Variants in SLC25A20 observed in about 807,000 individuals in gnomAD.
The protein encoded by SLC25A20 is mitochondrial carnitine/acylcarnitine carrier protein.
In SLC25A20, 29 loss-of-function variants were observed where a neutral mutation model predicts 39.7. That is an observed-to-expected ratio of 0.73 (90% confidence interval 0.54 to 1.00). The LOEUF is 1.00. Ranked by LOEUF, SLC25A20 falls within the 50% of genes least tolerant of loss-of-function variation. The pLI is 0.00. For synonymous variants in SLC25A20, 103 were observed against 142.2 expected (o/e 0.72, Z 1.96); for missense variants, 333 against 379.9 (o/e 0.88, Z 1.03).
At chr3:48,874,878 C>T (rs972305103) in intron 4 of SLC25A20, among the ~76,000 whole-genome samples, 1 of 151,116 alleles carries the variant, frequency 6.6e-6, no homozygotes. Flanking sequence ...GAGACCCCCC[C>T]ACCACCACCA....
intron 1 of SLC25A20, among the ~76,000 whole-genome samples, chr3:48,894,321 A>T (rs903341533): frequency 4.2e-5 from 6 of 144,568 alleles, no homozygotes; most frequent in African/African-American, 1.5e-4. Flanking sequence ...GCTGGAGTGC[A>T]GTGGCTCAAT....
chr3:48,893,940 A>C (rs1415516787), intron 1 of SLC25A20, among the ~76,000 whole-genome samples: 4 of 151,456 alleles, frequency 2.6e-5, no homozygotes, highest in Admixed American at 2.6e-4. Context: ...GTGGGTCAAT[A>C]ACCTGAGGTC....
At chr3:48,860,038 C>G (rs1231898904) in intron 5 of SLC25A20, among the ~76,000 whole-genome samples, 2 of 152,210 alleles carry the variant, frequency 1.3e-5, no homozygotes, top group Non-Finnish European at 2.9e-5. Flanking sequence ...CATAGTGGCT[C>G]ATGCCTTTAA....
At chr3:48,867,217 T>C (rs2083677684) in intron 4 of SLC25A20, among the ~76,000 whole-genome samples, 1 of 151,762 alleles carries the variant, frequency 6.6e-6, no homozygotes, top group African/African-American at 2.4e-5. Flanking sequence ...GCTGAGATTA[T>C]AGGTGTGAGC....
intron 7 of SLC25A20, 77 bp downstream of exon 7, chr3:48,859,015 T>TA (rs373555651): frequency 8.6e-7 from 1 of 1,160,256 alleles, no homozygotes. Context: ...CCTAGGGCCT[T>TA]ATGAGCTTTG....
At chr3:48,878,998 G>C (rs1486085700) in intron 4 of SLC25A20, among the ~76,000 whole-genome samples, 4 of 152,004 alleles carry the variant, frequency 2.6e-5, no homozygotes, top group Non-Finnish European at 4.4e-5. Flanking sequence ...AGCCTCCCAA[G>C]TAGCTGGGAT....
At chr3:48,880,405 T>G (rs2083788671) in intron 3 of SLC25A20, among the ~76,000 whole-genome samples, 1 of 150,096 alleles carries the variant, frequency 6.7e-6, no homozygotes, top group African/African-American at 2.5e-5. Context: ...AGCTCCCGAG[T>G]AGCTGGGATT....
rs369490925 is a variant in SLC25A20 at position 48,884,780 on chromosome 3, C to T, written c.199-656G>A. On this transcript the variant is annotated intron_variant, in intron 2 of 8. Transcript: ENST00000319017. ...ATAACCTCAGGCACTTATAAGGTAC[C>T]AAAATTTTGGGGAAAAAAACAAAAG... Among the ~76,000 whole-genome samples, 18 of 150,358 alleles carry T rather than the reference C, an allele frequency of 1.2e-4. No individual in the cohort carries two copies. The East Asian group carries it at 2.6e-3, about 21-fold the overall frequency.
chr3:48,887,204 A>G (rs1021068872), intron 2 of SLC25A20, among the ~76,000 whole-genome samples: 7 of 152,194 alleles, frequency 4.6e-5, no homozygotes, highest in African/African-American at 1.4e-4. Context: ...TGAGAGGTCA[A>G]GCCCATTCCT....
At chr3:48,871,222 G>A (rs926885837) in intron 4 of SLC25A20, among the ~76,000 whole-genome samples, 2 of 151,822 alleles carry the variant, frequency 1.3e-5, no homozygotes, top group South Asian at 2.1e-4. Context: ...GAATTGATCT[G>A]TACGTTTAAC....
intron 1 of SLC25A20, chr3:48,895,890 A>G: frequency 2.3e-6 from 1 of 430,704 alleles, no homozygotes; most frequent in Non-Finnish European, 4.7e-6. Context: ...CTATAATCCC[A>G]GCACTTCAGG....
intron 2 of SLC25A20, among the ~76,000 whole-genome samples, chr3:48,890,858 G>C (rs1462414584): frequency 6.6e-6 from 1 of 151,286 alleles, no homozygotes; most frequent in East Asian, 2.0e-4. Flanking sequence ...GTTTCACCGT[G>C]TTAGCCAGGA....
At chr3:48,864,347 C>CAAAAAAAAAAAAAAAAAAAA (rs55843120) in intron 4 of SLC25A20, among the ~76,000 whole-genome samples, 1 of 48,060 alleles carries the variant, frequency 2.1e-5, no homozygotes, top group African/African-American at 8.8e-5. Context: ...GACTCTGTCT[C>CAAAAAAAAAAAAAAAAAAAA]AAAAAAAAAA....
Position 48,862,580 on chromosome 3 carries a change from C to T in SLC25A20, c.497G>A (p.Arg166Gln), listed in dbSNP as rs891364777. 36 of 1,613,994 alleles carry T rather than the reference C, an allele frequency of 2.2e-5. No individual in the cohort carries two copies. The highest frequency in any genetic ancestry group is 3.0e-5 in the Non-Finnish European group (35 of 1,179,880). ...AKKLYQEFGI[R>Q]GIYKGTVLTL... ...AAGCACAGTCCCTTTGTAGATGCCTCGGATCCCAAACTCCTGGTACAGCTT... is the reference window on the plus strand; with the variant it reads ...AAGCACAGTCCCTTTGTAGATGCCTTGGATCCCAAACTCCTGGTACAGCTT... The change falls in exon 5 of 9, where the codon CGA becomes CAA. Residue 166 changes from arginine to glutamine, a missense_variant. Coordinates refer to ENST00000319017, the MANE Select transcript of SLC25A20 (RefSeq NM_000387.6).
At position 48,898,756 on chromosome 3, in the gene SLC25A20, G is replaced by A; in HGVS notation, c.39C>T (p.Asn13=). The part of the protein sequence containing the change: ...DQPKPISPLK[N]LLAGGFGGVC... ...CGCCGCCAAAGCCGCCGGCCAGCAG[G>A]TTCTTGAGCGGGCTGATGGGTTTTG... Residue 13 remains asparagine, a synonymous_variant, in exon 1 of 9, where the codon AAC becomes AAT. Coordinates refer to ENST00000319017, the MANE Select transcript of SLC25A20 (RefSeq NM_000387.6). The A allele has an allele frequency of 6.2e-7, 1 of 1,605,332 alleles. No homozygotes were observed. The highest frequency in any genetic ancestry group is 1.7e-5 in the Admixed American group (1 of 58,764).
chr3:48,879,079 C>G (rs1190776152), intron 4 of SLC25A20, among the ~76,000 whole-genome samples: 1 of 151,988 alleles, frequency 6.6e-6, no homozygotes, highest in Non-Finnish European at 1.5e-5. Context: ...CCATGTTGGC[C>G]AGGCTGGTCT....
At chr3:48,881,972 C>T (rs2083798379) in intron 3 of SLC25A20, among the ~76,000 whole-genome samples, 1 of 152,224 alleles carries the variant, frequency 6.6e-6, no homozygotes, top group Non-Finnish European at 1.5e-5. Flanking sequence ...CATCTACATC[C>T]TAGACCCTCA....
intron 3 of SLC25A20, among the ~76,000 whole-genome samples, chr3:48,882,455 G>C (rs2106656599): frequency 6.6e-6 from 1 of 152,318 alleles, no homozygotes; most frequent in South Asian, 2.1e-4. Context: ...GGCAGCACCA[G>C]GTGCTGCCTA....
intron 5 of SLC25A20, 112 bp downstream of exon 5, chr3:48,862,430 T>C (rs2083635140): frequency 2.6e-6 from 2 of 768,816 alleles, no homozygotes; most frequent in South Asian, 2.8e-5. Context: ...TTGTCAGAGA[T>C]GTGACATGCA....
Sources: gnomAD v4.1 joint callset for allele counts (sites outside exome capture counted in the v4.1 genomes callset) on GRCh38, gnomAD v4.1.1 for gene constraint, MANE v1.5 for transcripts, NCBI Gene and HGNC (gene_info 2026-07-23, HGNC 2026-07-21) for gene names.